Variants in UBE2V1 observed in about 807,000 individuals in gnomAD.
UBE2V1 encodes the protein ubiquitin conjugating enzyme E2 V1, also known as ubiquitin-conjugating enzyme E2 variant 1.
UBE2V1 carries 15 observed loss-of-function variants against 19.6 expected under a neutral mutation model. That is an observed-to-expected ratio of 0.77 (90% CI 0.51 to 1.18). The LOEUF is 1.18. UBE2V1 is among the 50% of genes most tolerant of loss of function. The probability of loss-of-function intolerance (pLI) is 0.00; values close to 1 mark genes in which losing one functional copy is unlikely to be tolerated. For missense variants in UBE2V1, 125 were observed against 184.8 expected, an observed-to-expected ratio of 0.68 and a Z score of 1.88; for synonymous variants, 60 against 60.7, an observed-to-expected ratio of 0.99 and a Z score of 0.05.
intron 1 of UBE2V1, among the ~76,000 whole-genome samples, chr20:50,109,489 G>A (rs986459128): frequency 4.6e-5 from 7 of 152,196 alleles, no homozygotes; most frequent in East Asian, 1.9e-4. Flanking sequence ...GGTGACTTAC[G>A]CCTGTAATCC....
At chr20:50,086,601 T>C (rs752263832) in intron 2 of UBE2V1, among the ~76,000 whole-genome samples, 1 of 152,164 alleles carries the variant, frequency 6.6e-6, no homozygotes, top group African/African-American at 2.4e-5. Flanking sequence ...GTTGACTGAA[T>C]AGATCCTGAA....
At chr20:50,092,505 GCTGCTAAACAGCCTACAACGCACATA>G (rs1190125462) in intron 2 of UBE2V1, among the ~76,000 whole-genome samples, 1 of 152,104 alleles carries the variant, frequency 6.6e-6, no homozygotes, top group Middle Eastern at 3.2e-3. Flanking sequence ...GGCCAGGGAT[GCTGCTAAACAGCCTACAACGCACATA>G]CCTAGCACTC....
chr20:50,090,623 C>T (rs1489967612), intron 2 of UBE2V1, among the ~76,000 whole-genome samples: 1 of 152,062 alleles, frequency 6.6e-6, no homozygotes, highest in East Asian at 1.9e-4. Context: ...CTCACAGAAG[C>T]AGAGAACAGA....
chr20:50,112,852 A>G (rs1213667698), intron 1 of UBE2V1, among the ~76,000 whole-genome samples: 2 of 151,986 alleles, frequency 1.3e-5, no homozygotes, highest in African/African-American at 4.8e-5. Flanking sequence ...CAGACAGCAC[A>G]GAGGGCCCTC....
intron 1 of UBE2V1, among the ~76,000 whole-genome samples, chr20:50,102,040 C>A (rs2080034545): frequency 6.6e-6 from 1 of 152,132 alleles, no homozygotes; most frequent in South Asian, 2.1e-4. Context: ...TAAGGCATAT[C>A]CAAGTCTCCT....
rs1297242339 is a variant in UBE2V1, at chr20:50,081,341, T to C, written c.*1427A>G. ...TCAAAAGGTGGTTTTACACAAATAC[T>C]AAATTAAAAAAAAAAAAAAAACCTT... On this transcript the variant is annotated 3_prime_UTR_variant, in exon 4 of 4. Coordinates refer to ENST00000371674, the MANE Select transcript of UBE2V1 (RefSeq NM_001032288.3). 3 of 140,018 alleles carry C rather than the reference T, an allele frequency of 2.1e-5. No individual in the cohort carries two copies. Among genetic ancestry groups the C allele is most frequent in the Admixed American group, 7.2e-5 (1 of 13,982 alleles). 8.7% of individuals were successfully genotyped at this position (140,018 alleles called of 1,614,324 possible).
intron 2 of UBE2V1, among the ~76,000 whole-genome samples, chr20:50,091,471 G>A (rs926018116): frequency 7.6e-6 from 1 of 131,184 alleles, no homozygotes; most frequent in Non-Finnish European, 1.5e-5. Flanking sequence ...GCGCGATCTC[G>A]GCTTACTGCA....
intron 3 of UBE2V1, 119 bp downstream of exon 3, chr20:50,084,008 TAC>T (rs1443237859): frequency 3.8e-5 from 55 of 1,462,554 alleles, no homozygotes; most frequent in Middle Eastern, 2.6e-4. Context: ...TGCACAGTGA[TAC>T]AGTTTATCAA....
At chr20:50,085,508 C>T (rs781076831) in intron 2 of UBE2V1, among the ~76,000 whole-genome samples, 3 of 152,152 alleles carry the variant, frequency 2.0e-5, no homozygotes, top group Non-Finnish European at 2.9e-5. Context: ...AAGGCAGGGG[C>T]TCCCCTCTCT....
intron 2 of UBE2V1, among the ~76,000 whole-genome samples, chr20:50,090,920 T>G (rs890497498): frequency 6.6e-6 from 1 of 152,212 alleles, no homozygotes; most frequent in Non-Finnish European, 1.5e-5. Context: ...TATACAGCTT[T>G]TATTTATCAA....
chr20:50,084,232 T>C lies in UBE2V1; in HGVS notation c.194A>G (p.Tyr65Cys). The C allele has an allele frequency of 6.2e-7, 1 of 1,611,430 alleles. No individual in the cohort carries two copies. The highest frequency in any genetic ancestry group is 8.5e-7 in the Non-Finnish European group (1 of 1,178,352). Residue 65 changes from tyrosine to cysteine, a missense_variant, in exon 3 of 4, where the codon TAC becomes TGC. This residue lies in a region of UBE2V1 where 78 missense variants were observed against 108.8 expected (regional missense o/e 0.72). Transcript: ENST00000371674. ...PPRTIYENRI[Y>C]SLKIECGPKY... is the part of the protein sequence containing the mutation. ...AGGTCCACATTCTATTTTAAGGCTG[T>C]ATATTCGGTTTTCATAAATTGTCTG... is the stretch of plus-strand genomic sequence containing the variant.
chr20:50,089,663 A>G (rs557141237), intron 2 of UBE2V1, among the ~76,000 whole-genome samples: 2 of 152,140 alleles, frequency 1.3e-5, no homozygotes, highest in Admixed American at 1.3e-4. Context: ...AGACACAATT[A>G]TCCTTTGTAC....
chr20:50,108,618 G>A (rs114825512), intron 1 of UBE2V1, among the ~76,000 whole-genome samples: 412 of 152,330 alleles, frequency 2.7e-3, no homozygotes, highest in African/African-American at 6.9e-3. Flanking sequence ...TGACAAGTGA[G>A]ATAATGTAGT....
intron 1 of UBE2V1, among the ~76,000 whole-genome samples, chr20:50,103,652 C>T (rs1569008520): frequency 6.6e-6 from 1 of 152,064 alleles, no homozygotes; most frequent in Non-Finnish European, 1.5e-5. Flanking sequence ...GTGATCTGCC[C>T]GCCTTGGCCT....
intron 1 of UBE2V1, among the ~76,000 whole-genome samples, chr20:50,104,875 C>A (rs763021341): frequency 2.0e-5 from 3 of 151,384 alleles, no homozygotes; most frequent in African/African-American, 7.3e-5. Context: ...TACAGGCACG[C>A]GCCACGACAC....
At chr20:50,105,252 A>C (rs1411104186) in intron 1 of UBE2V1, among the ~76,000 whole-genome samples, 1 of 152,224 alleles carries the variant, frequency 6.6e-6, no homozygotes, top group Non-Finnish European at 1.5e-5. Flanking sequence ...AGAGCATTTA[A>C]TTCCAAATGG....
chr20:50,097,370 C>A (rs966574174), intron 1 of UBE2V1, among the ~76,000 whole-genome samples: 3 of 152,196 alleles, frequency 2.0e-5, no homozygotes, highest in African/African-American at 7.2e-5. Context: ...GATAGTTTCT[C>A]TTTTAACTTA....
At chr20:50,104,097 C>T (rs1338726301) in intron 1 of UBE2V1, among the ~76,000 whole-genome samples, 1 of 150,610 alleles carries the variant, frequency 6.6e-6, no homozygotes, top group Admixed American at 6.6e-5. Context: ...TCCTGGCCAA[C>T]GTGGTGAAAC....
intron 1 of UBE2V1, chr20:50,109,186 A>G: frequency 1.0e-6 from 1 of 952,482 alleles, no homozygotes. Flanking sequence ...TATCCACAAT[A>G]CAACAGTAAT....
Sources: gnomAD v4.1 joint callset for allele counts (sites outside exome capture counted in the v4.1 genomes callset) on GRCh38, gnomAD v4.1.1 for gene constraint, gnomAD v4.1.1 regional missense constraint, MANE v1.5 for transcripts, NCBI Gene and HGNC (gene_info 2026-07-23, HGNC 2026-07-21) for gene names.